The following TTN variants were observed in gnomAD, a reference collection of about 807,000 sequenced individuals.
TTN encodes titin, also known as connectin.
TTN carries 1,525 observed loss-of-function variants against 3,223.0 expected under a neutral mutation model. That is an observed-to-expected ratio of 0.47 (90% confidence interval 0.45 to 0.49). The LOEUF (loss-of-function observed/expected upper bound fraction) is 0.49. Among genes scored for constraint, TTN ranks in the 20% least tolerant of loss-of-function variants. TTN has a pLI of 0.00. For missense variants in TTN, 40,786 were observed against 43,424.0 expected, an observed-to-expected ratio of 0.94 and a Z score of 5.40; for synonymous variants, 14,094 against 15,161.0, an observed-to-expected ratio of 0.93 and a Z score of 5.17.
At chr2:178,793,271 TACA>T (rs2093605925) in intron 9 of TTN, 130 bp downstream of exon 9, 2 of 1,362,764 alleles carry the variant, frequency 1.5e-6, no homozygotes, top group Admixed American at 2.2e-5. Context: ...AATTTACACA[TACA>T]ACAAGGGGAT....
intron 56 of TTN, 38 bp downstream of exon 56, chr2:178,732,402 C>A: frequency 6.3e-7 from 1 of 1,578,006 alleles, no homozygotes; most frequent in Non-Finnish European, 8.6e-7. Flanking sequence ...GAATTTATAA[C>A]AAGGTTAGCA....
chr2:178,704,621 T>C lies in TTN; in HGVS notation c.29851A>G (p.Ile9951Val). Residue 9951 changes from isoleucine to valine, a missense_variant, in exon 105 of 363, where the codon ATT becomes GTT. Transcript: ENST00000589042. Reference protein sequence around the residue: ...LEPSDKFEISIDGDRHTLRVK... With the variant: ...LEPSDKFEISVDGDRHTLRVK... ...CTGAGTGTATGTCGGTCACCATCAA[T>C]GCTTATTTCAAATTTATCACTGGGT... 5 of 1,612,824 alleles carry C rather than the reference T, an allele frequency of 3.1e-6. No individual in the cohort carries two copies. Among genetic ancestry groups the C allele is most frequent in the Non-Finnish European group, 4.2e-6 (5 of 1,179,200 alleles).
chr2:178,723,828 T>C, intron 73 of TTN, 28 bp downstream of exon 73: 1 of 1,569,358 alleles, frequency 6.4e-7, no homozygotes, highest in African/African-American at 1.4e-5. Context: ...TTGTAAGAAA[T>C]TCCTTACAAG....
intron 81 of TTN, 58 bp from the exon 82 acceptor site, chr2:178,719,890 A>T (rs534432984): frequency 6.4e-7 from 1 of 1,556,520 alleles, no homozygotes; most frequent in African/African-American, 1.4e-5. Context: ...TCAAGAGTGC[A>T]ATCACTGAAT....
In TTN at chr2:178,766,406, C is replaced by G; in HGVS notation, c.9678G>C (p.Arg3226Ser). 1 of 1,613,910 alleles carries G rather than the reference C, an allele frequency of 6.2e-7. No homozygotes were observed. The highest frequency in any genetic ancestry group is 8.5e-7 in the Non-Finnish European group (1 of 1,179,808). ...GEYTFVAGRNRSSVTLYVNAP... is the reference protein window; with the variant it reads ...GEYTFVAGRNSSSVTLYVNAP... ...CATTGACATAGAGAGTGACAGAACT[C>G]CTGTTCCTTCCTGCCACAAAGGTGT... Residue 3226 changes from arginine to serine, a missense_variant, in exon 41 of 363, where the codon AGG becomes AGC. Physicochemically the swap from Arg to Ser is moderately radical, Grantham distance 110. Coordinates refer to ENST00000589042, the MANE Select transcript of TTN (RefSeq NM_001267550.2).
chr2:178,551,288 A>G (rs1699321532), intron 335 of TTN, 28 bp from the exon 336 acceptor site: 1 of 1,587,676 alleles, frequency 6.3e-7, no homozygotes. Flanking sequence ...AGGTAAATGC[A>G]TCATTACATT....
chr2:178,547,248 G>A lies in TTN; in HGVS notation c.94277C>T (p.Ser31426Phe), dbSNP rs369284856. Residue 31426 changes from serine to phenylalanine, a missense_variant, in exon 340 of 363, where the codon TCT (serine) becomes TTT (phenylalanine). Physicochemically the swap from Ser to Phe is radical, Grantham distance 155. Coordinates refer to ENST00000589042, the MANE Select transcript of TTN (RefSeq NM_001267550.2). Reference sequence around the variant, plus strand: ...GTGGTAGGGTTCTTCCCAACGAATAGACATGGCATTGGCAGACACATGGTA... The same window carrying A: ...GTGGTAGGGTTCTTCCCAACGAATAAACATGGCATTGGCAGACACATGGTA... ...EVYHVSANAM[S>F]IRWEEPYHDG... 2 of 1,613,686 alleles carry A rather than the reference G, an allele frequency of 1.2e-6. No individual in the cohort carries two copies. The highest frequency in any genetic ancestry group is 2.7e-5 in the African/African-American group (2 of 74,918).
At position 178,720,125 on chromosome 2, in the gene TTN, ACT is replaced by A; in HGVS notation, c.23515_23516del (p.Ser7839Ter). ...LKDRGEVIRESENTRISFIDN... is the reference protein window; with the variant it reads ...LKDRGEVIREXENTRISFIDN... ...CAATGAATGAAATCCTGGTATTTTC[ACT>A]CTCTCTGATGACTTCACCTCTATCT... On this transcript the variant is annotated frameshift_variant, in exon 81 of 363. Transcript: ENST00000589042. LOFTEE classifies it high-confidence loss of function. 1 of 1,613,702 alleles carries A rather than the reference ACT, an allele frequency of 6.2e-7. No homozygotes were observed. The highest frequency in any genetic ancestry group is 8.5e-7 in the Non-Finnish European group (1 of 1,179,702).
chr2:178,732,538 T>C lies in TTN; in HGVS notation c.16523A>G (p.Glu5508Gly). ...ITKEALESSL[E>G]LYLVKTSDSG... ...ATCAGAGGTTTTTACTAAATAGAGT[T>C]CCAGGGAACTCTCTAAAGCTTCTTT... The change falls in exon 56 of 363, where the codon GAA (glutamate) becomes GGA (glycine). Residue 5508 changes from glutamate (E) to glycine (G), a missense_variant. By Grantham distance (98) the Glu-to-Gly change is moderately conservative. Coordinates refer to ENST00000589042, the MANE Select transcript of TTN (RefSeq NM_001267550.2). 6.2e-7 allele frequency: 1 copy of C among 1,613,654 alleles called. No individual in the cohort carries two copies. The highest frequency in any genetic ancestry group is 1.3e-5 in the African/African-American group (1 of 75,018).
At position 178,582,332 on chromosome 2, in the gene TTN, C is replaced by G. The variant is rs764678997; in HGVS notation, c.66124G>C (p.Val22042Leu). ...TTGGCAATTGCTGGTTCAGTGAAGA[C>G]TGGATCGCCTACTCCATATTTATTT... ...AENKYGVGDP[V>L]FTEPAIAKNP... Residue 22042 changes from valine to leucine, a missense_variant, in exon 314 of 363, where the codon GTC (valine) becomes CTC (leucine). By Grantham distance (32) the Val-to-Leu change is conservative (BLOSUM62 1). Coordinates refer to ENST00000589042, the MANE Select transcript of TTN (RefSeq NM_001267550.2). 6.2e-7 allele frequency: 1 copy of G among 1,602,718 alleles called. No homozygotes were observed. Among genetic ancestry groups the G allele is most frequent in the South Asian group, 1.1e-5 (1 of 89,046 alleles).
rs534477173 is a variant in TTN, at chr2:178,636,298, C to T, written c.41330-57G>A. ...ATACAATATTTTCAATGAAATAAAA[C>T]TTGGAAATAAGAGGTTTTGTAAAAC... On this transcript the variant is annotated intron_variant, in intron 225 of 362. Coordinates refer to ENST00000589042, the MANE Select transcript of TTN (RefSeq NM_001267550.2). This position sits in a 1 kb window ranked among gnomAD's most constrained non-coding sequence, Gnocchi z 4.3. The T allele has an allele frequency of 2.7e-6, 4 of 1,480,802 alleles. No homozygotes were observed. The African/African-American group carries it at 5.7e-5, about 21-fold the overall frequency. 91.7% of individuals were successfully genotyped at this position (1,480,802 alleles called of 1,614,324 possible).
At chr2:178,701,466 A>T in intron 110 of TTN, 62 bp downstream of exon 110, 1 of 1,544,594 alleles carries the variant, frequency 6.5e-7, no homozygotes, top group Non-Finnish European at 8.8e-7. Flanking sequence ...AAAATTTCGT[A>T]CAGATTCCTA....
chr2:178,629,396 C>A lies in TTN; in HGVS notation c.44329G>T (p.Ala14777Ser). Residue 14777 changes from alanine (A) to serine (S), a missense_variant, in exon 240 of 363, where the codon GCA becomes TCA. Physicochemically the swap from Ala to Ser is moderately conservative, Grantham distance 99. Coordinates refer to ENST00000589042, the MANE Select transcript of TTN (RefSeq NM_001267550.2). The part of the protein sequence containing the change: ...LRPLKDVTVT[A>S]GETATFDCEL... ...CAGTCGAAGGTGGCTGTTTCCCCTG[C>A]AGTCACGGTGACATCCTTTAAAGGC... is the stretch of plus-strand genomic sequence containing the variant. 1 of 1,613,010 alleles carries A rather than the reference C, an allele frequency of 6.2e-7. No individual in the cohort carries two copies.
chr2:178,554,591 C>T lies in TTN; in HGVS notation c.88756G>A (p.Glu29586Lys). 6.2e-7 allele frequency: 1 copy of T among 1,613,856 alleles called. No individual in the cohort carries two copies. The highest frequency in any genetic ancestry group is 8.5e-7 in the Non-Finnish European group (1 of 1,179,848). The change falls in exon 332 of 363, where the codon GAA becomes AAA. Residue 29586 changes from glutamate (E) to lysine (K), a missense_variant. Transcript: ENST00000589042. ...GTAATGATGCACTCTTCCAAATGTTCAGACACCATAGACCACACAACGCGG... is the reference window on the plus strand; with the variant it reads ...GTAATGATGCACTCTTCCAAATGTTTAGACACCATAGACCACACAACGCGG... ...TSRVVWSMVS[E>K]HLEECIITTT...
rs769719800 is a variant in TTN at position 178,634,591 on chromosome 2, T to C, written c.42190A>G (p.Thr14064Ala). 12 of 1,613,246 alleles carry C rather than the reference T, an allele frequency of 7.4e-6. No homozygotes were observed. The highest frequency in any genetic ancestry group is 2.7e-5 in the African/African-American group (2 of 74,850). ...CGAGCCTGTCGCCTTTCTGGAACAG[T>C]GACATCCTTCAGGGGCACAGCAAAG... The part of the protein sequence containing the change: ...LDFAVPLKDV[T>A]VPERRQARFE... The change falls in exon 230 of 363, where the codon ACT becomes GCT. Residue 14064 changes from threonine (T) to alanine (A), a missense_variant. Transcript: ENST00000589042. The surrounding 1 kb of genome is among the most constrained non-coding windows in gnomAD (Gnocchi z 4.6).
In TTN at chr2:178,685,342, T is replaced by C. The variant is rs16866434; in HGVS notation, c.32393-12A>G. The C allele has an allele frequency of 0.013, 20,178 of 1,544,738 alleles. 281 individuals carry two copies. The highest frequency in any genetic ancestry group is 0.069 in the African/African-American group (4,999 of 72,794). On this transcript the variant is annotated splice_polypyrimidine_tract_variant and intron_variant, in intron 128 of 362. Transcript: ENST00000589042. Reference sequence around the variant, plus strand: ...CTGCCTCTCTGTCACTTGAAAAGATTATAAAATATGTTTGTAGAAATGTCT... The same window carrying C: ...CTGCCTCTCTGTCACTTGAAAAGATCATAAAATATGTTTGTAGAAATGTCT...
rs746659077 is a variant in TTN, at chr2:178,614,162, G to A, written c.49235C>T (p.Ala16412Val). Residue 16412 changes from alanine (A) to valine (V), a missense_variant, in exon 262 of 363, where the codon GCC becomes GTC. Ala to Val is a moderately conservative substitution (Grantham distance 64). Coordinates refer to ENST00000589042, the MANE Select transcript of TTN (RefSeq NM_001267550.2). Reference protein sequence around the residue: ...SSTVKDTNFKATKLIPNKEYI... With the variant: ...SSTVKDTNFKVTKLIPNKEYI... ...CTCTTTATTGGGGATTAATTTGGTG[G>A]CCTTGAAGTTTGTATCCTTGACGGT... The A allele has an allele frequency of 9.3e-6, 15 of 1,612,408 alleles. No homozygotes were observed. The highest frequency in any genetic ancestry group is 1.3e-5 in the Non-Finnish European group (15 of 1,179,204).
In TTN at chr2:178,565,815, C is replaced by A; in HGVS notation, c.80317G>T (p.Asp26773Tyr). The A allele has an allele frequency of 6.2e-7, 1 of 1,613,672 alleles. No individual in the cohort carries two copies. Among genetic ancestry groups the A allele is most frequent in the Non-Finnish European group, 8.5e-7 (1 of 1,179,674 alleles). ...FGVGVPVETV[D>Y]AVKAAEPPSP... ...GGAGGTTCAGCAGCTTTCACGGCAT[C>A]AACAGTTTCCACTGGAACACCAACT... The change falls in exon 326 of 363, where the codon GAT (aspartate) becomes TAT (tyrosine). Residue 26773 changes from aspartate to tyrosine, a missense_variant. Asp to Tyr is a radical substitution (Grantham distance 160). Coordinates refer to ENST00000589042, the MANE Select transcript of TTN (RefSeq NM_001267550.2).
intron 112 of TTN, among the ~76,000 whole-genome samples, chr2:178,698,547 A>T (rs2074140695): frequency 6.6e-6 from 1 of 152,154 alleles, no homozygotes; most frequent in Admixed American, 6.6e-5. Flanking sequence ...AAAAAAAAAG[A>T]ATAGCTGTTG....
Sources: gnomAD v4.1 joint callset for allele counts (sites outside exome capture counted in the v4.1 genomes callset) on GRCh38, gnomAD v4.1.1 for gene constraint, Gnocchi (gnomAD v3.1) non-coding constraint, MANE v1.5 for transcripts, NCBI Gene and HGNC (gene_info 2026-07-23, HGNC 2026-07-21) for gene names.